Variants in USP20 observed in about 807,000 individuals in gnomAD.
The protein encoded by USP20 is ubiquitin carboxyl-terminal hydrolase 20.
A neutral mutation model predicts 124.2 loss-of-function variants in USP20; 80 were observed. That is an observed-to-expected ratio of 0.64 (90% CI 0.54 to 0.78). USP20 has a LOEUF of 0.78. Among genes scored for constraint, USP20 ranks in the 30% least tolerant of loss-of-function variants. The probability of loss-of-function intolerance (pLI) is 0.00; values close to 1 mark genes in which losing one functional copy is unlikely to be tolerated. For synonymous variants in USP20, 481 were observed against 512.3 expected (o/e 0.94, Z 0.83); for missense variants, 1,043 against 1,244.4 (o/e 0.84, Z 2.44).
chr9:129,853,166 T>C (rs1372816992), intron 3 of USP20, among the ~76,000 whole-genome samples: 1 of 105,126 alleles, frequency 9.5e-6, no homozygotes, highest in Non-Finnish European at 1.8e-5. Flanking sequence ...CACCCCCGGG[T>C]AAGCACTTAT....
chr9:129,860,914 C>A, intron 6 of USP20, 23 bp from the exon 7 acceptor site: 1 of 1,612,280 alleles, frequency 6.2e-7, no homozygotes, highest in Non-Finnish European at 8.5e-7. Context: ...CACTGTTTTC[C>A]TCACTTTGGG....
At position 129,871,486 on chromosome 9, in the gene USP20, G is replaced by A. The variant is rs78572167; in HGVS notation, c.1660+939G>A. On this transcript the variant is annotated intron_variant, in intron 15 of 25. Coordinates refer to ENST00000372429, the MANE Select transcript of USP20 (RefSeq NM_001110303.4). ...TTGTGAGGAATGCTGCTCTGACCATGGGTGTGCACACCTCTCTTCTTTCAT... is the reference window on the plus strand; with the variant it reads ...TTGTGAGGAATGCTGCTCTGACCATAGGTGTGCACACCTCTCTTCTTTCAT... Among the ~76,000 whole-genome samples, 38 of 152,268 alleles carry A rather than the reference G, an allele frequency of 2.5e-4. 1 individual carries two copies. In the East Asian group the frequency reaches 7.3e-3, roughly 29 times the overall value.
intron 8 of USP20, 70 bp from the exon 9 acceptor site, chr9:129,863,116 T>C: frequency 1.6e-6 from 2 of 1,287,754 alleles, no homozygotes; most frequent in Non-Finnish European, 2.1e-6. Flanking sequence ...CTCCCCGCTA[T>C]GCAGCCCTTT....
At chr9:129,873,080 C>CTTTTTTTTTTTTTTT (rs59712662) in intron 15 of USP20, among the ~76,000 whole-genome samples, 5 of 78,366 alleles carry the variant, frequency 6.4e-5, no homozygotes, top group Admixed American at 1.9e-4. Context: ...TTTTCTTCTT[C>CTTTTTTTTTTTTTTT]TTTTTTTTTT....
rs2032090051 is a variant in USP20, at chr9:129,839,786, A to G, written c.-129+4287A>G. 6.6e-6 allele frequency among the ~76,000 whole-genome samples: 1 copy of G among 152,078 alleles called. No individual in the cohort carries two copies. Among genetic ancestry groups the G allele is most frequent in the African/African-American group, 2.4e-5 (1 of 41,392 alleles). On this transcript the variant is annotated intron_variant, in intron 1 of 25. Transcript: ENST00000372429. This position sits in a 1 kb window ranked among gnomAD's most constrained non-coding sequence, Gnocchi z 4.5. ...TGTAGCCAGAACCTCTGGGAAAACA[A>G]TGAGTAACAGGCACCAGAGGCAGCC...
Position 129,879,550 on chromosome 9 carries a change from C to T in USP20, c.2513-23C>T, listed in dbSNP as rs755467497. On this transcript the variant is annotated intron_variant, in intron 23 of 25. Transcript: ENST00000372429. This position sits in a 1 kb window ranked among gnomAD's most constrained non-coding sequence, Gnocchi z 4.2. ...TGGAGGGCATGGCAGGGGCTGAACC[C>T]GAGCCCGCTGTGTCTGTTGCAGAGC... 23 of 1,612,202 alleles carry T rather than the reference C, an allele frequency of 1.4e-5. No individual in the cohort carries two copies. The highest frequency in any genetic ancestry group is 7.7e-5 in the South Asian group (7 of 91,058).
At chr9:129,874,469 TG>T in intron 17 of USP20, 106 bp from the exon 18 acceptor site, 1 of 1,438,466 alleles carries the variant, frequency 7.0e-7, no homozygotes, top group Non-Finnish European at 9.5e-7. Context: ...TTTGTTCCAA[TG>T]GAGTCAGCTT....
rs2034596289 is a variant in USP20 at position 129,880,481 on chromosome 9, C to T, written c.*31C>T. 3.0e-6 allele frequency: 2 copies of T among 665,362 alleles called. No individual in the cohort carries two copies. Among genetic ancestry groups the T allele is most frequent in the Non-Finnish European group, 4.9e-6 (2 of 405,904 alleles). The allele number at this position is 665,362 out of a possible 1,614,324, so 41.2% of individuals were successfully genotyped here. A position where few individuals can be genotyped will look rare whatever the true frequency, so the allele number is the denominator to read the frequency against. ...TGTCCCCACAGCCCCATGTGCCCCA[C>T]CCCGCGGAAGGCGTGTTTGTGCCCA... is the stretch of plus-strand genomic sequence containing the variant. On this transcript the variant is annotated 3_prime_UTR_variant, in exon 26 of 26. Coordinates refer to ENST00000372429, the MANE Select transcript of USP20 (RefSeq NM_001110303.4).
In USP20 at chr9:129,875,293, CCCT is replaced by C. The variant is rs754328548; in HGVS notation, c.2049-12_2049-10del. 7.6e-6 allele frequency: 12 copies of C among 1,588,502 alleles called. No individual in the cohort carries two copies. Among genetic ancestry groups the C allele is most frequent in the Non-Finnish European group, 7.7e-6 (9 of 1,165,190 alleles). On this transcript the variant is annotated splice_polypyrimidine_tract_variant and intron_variant, in intron 19 of 25. Transcript: ENST00000372429. ...CAGCCGTCAGGCACAGCTTCTCGCC[CCCT>C]CCTCACCCCACAGGAAGAGCAGCGA...
Position 129,868,033 on chromosome 9 carries a change from T to C in USP20, c.719T>C (p.Met240Thr). ...ACCCAAGAGTTCCTTCGCTGCCTGA[T>C]GGACCAGCTGCACGAGGAGCTCAAG... The part of the protein sequence containing the change: ...QDTQEFLRCL[M>T]DQLHEELKEP... Residue 240 changes from methionine (M) to threonine (T), a missense_variant, in exon 11 of 26, where the codon ATG (methionine) becomes ACG (threonine). Transcript: ENST00000372429. The C allele has an allele frequency of 6.2e-7, 1 of 1,613,990 alleles. No homozygotes were observed. Among genetic ancestry groups the C allele is most frequent in the Non-Finnish European group, 8.5e-7 (1 of 1,179,914 alleles).
chr9:129,874,737 CCA>C lies in USP20; in HGVS notation c.1904_1905del (p.His635ProfsTer25). 6.2e-7 allele frequency: 1 copy of C among 1,613,974 alleles called. No homozygotes were observed. The highest frequency in any genetic ancestry group is 2.2e-5 in the East Asian group (1 of 44,884). On this transcript the variant is annotated frameshift_variant, in exon 18 of 26. Coordinates refer to ENST00000372429, the MANE Select transcript of USP20 (RefSeq NM_001110303.4). LOFTEE classifies it high-confidence loss of function. ...TTYDLLSVIC[H>X]HGTAGSGHYI... Reference sequence around the variant, plus strand: ...CCTACGACCTCCTCTCGGTCATCTGCCACCACGGCACGGCAGGCAGTGAGTCA... The same window carrying C: ...CCTACGACCTCCTCTCGGTCATCTGCCCACGGCACGGCAGGCAGTGAGTCA...
intron 14 of USP20, 30 bp from the exon 15 acceptor site, chr9:129,870,423 A>C: frequency 6.2e-7 from 1 of 1,609,758 alleles, no homozygotes; most frequent in Non-Finnish European, 8.5e-7. Context: ...AGGCCCTGGC[A>C]GCACCCCTGC....
chr9:129,849,716 T>C (rs570147563), intron 1 of USP20, 97 bp from the exon 2 acceptor site: 1 of 152,634 alleles, frequency 6.6e-6, no homozygotes, highest in South Asian at 2.1e-4. Flanking sequence ...TGAGCTGTGA[T>C]CATGCCACTG....
At position 129,868,178 on chromosome 9, in the gene USP20, G is replaced by C. The variant is rs61760212; in HGVS notation, c.864G>C (p.Ser288=). ...PSEDEFLSCD[S]SSDRGEGDGQ... ...AAGATGAGTTCTTGTCCTGTGACTC[G>C]AGCAGTGACCGGGGTGAGGGTGACG... Residue 288 remains serine, a synonymous_variant, in exon 11 of 26, where the codon TCG becomes TCC. Coordinates refer to ENST00000372429, the MANE Select transcript of USP20 (RefSeq NM_001110303.4). 6.2e-7 allele frequency: 1 copy of C among 1,613,948 alleles called. No individual in the cohort carries two copies. The highest frequency in any genetic ancestry group is 8.5e-7 in the Non-Finnish European group (1 of 1,179,970).
At chr9:129,864,392 A>G (rs906344457) in intron 9 of USP20, among the ~76,000 whole-genome samples, 4 of 149,962 alleles carry the variant, frequency 2.7e-5, no homozygotes, top group African/African-American at 9.9e-5. Context: ...GCTTGAGTCC[A>G]GGAAGTTGAG....
At chr9:129,877,458 G>T (rs1194992675) in intron 22 of USP20, among the ~76,000 whole-genome samples, 1 of 152,244 alleles carries the variant, frequency 6.6e-6, no homozygotes, top group East Asian at 1.9e-4. Flanking sequence ...GGGAGGTTGA[G>T]GCTGCAGTGA....
chr9:129,843,574 A>C (rs901826460), intron 1 of USP20, among the ~76,000 whole-genome samples: 1 of 151,864 alleles, frequency 6.6e-6, no homozygotes, highest in African/African-American at 2.4e-5. Context: ...ATCTCTACTA[A>C]AAATCCAAAA....
At chr9:129,836,574 C>T (rs1176102598) in intron 1 of USP20, among the ~76,000 whole-genome samples, 1 of 152,032 alleles carries the variant, frequency 6.6e-6, no homozygotes, top group African/African-American at 2.4e-5. Flanking sequence ...CCGATGGGGG[C>T]TGTCTGGGGT....
intron 10 of USP20, among the ~76,000 whole-genome samples, chr9:129,867,553 G>A (rs880242): frequency 0.62 from 93,917 of 151,846 alleles, 29,487 homozygotes; most frequent in East Asian, 0.81. Flanking sequence ...GGCAGGACTC[G>A]GGTGAGTCCT....
Sources: gnomAD v4.1 joint callset for allele counts (sites outside exome capture counted in the v4.1 genomes callset) on GRCh38, gnomAD v4.1.1 for gene constraint, Gnocchi (gnomAD v3.1) non-coding constraint, MANE v1.5 for transcripts, NCBI Gene and HGNC (gene_info 2026-07-23, HGNC 2026-07-21) for gene names.